Variants in UNC13C observed in about 807,000 individuals in gnomAD.
UNC13C encodes the protein protein unc-13 homolog C.
UNC13C carries 174 observed loss-of-function variants against 245.4 expected under a neutral mutation model. That is an observed-to-expected ratio of 0.71 (90% CI 0.63 to 0.80). The LOEUF is 0.80. UNC13C is among the 30% of genes least tolerant of loss of function. UNC13C has a pLI of 0.00. For synonymous variants in UNC13C, 992 were observed against 895.1 expected, an observed-to-expected ratio of 1.11 and a Z score of -1.93; for missense variants, 2,829 against 2,602.9, an observed-to-expected ratio of 1.09 and a Z score of -1.89.
At chr15:54,009,944 A>G (rs868053985) in intron 1 of UNC13C, among the ~76,000 whole-genome samples, 5 of 152,138 alleles carry the variant, frequency 3.3e-5, no homozygotes, top group African/African-American at 9.7e-5. Flanking sequence ...TTAAATTTCA[A>G]AACTGTCTAC....
the UNC13C span, among the ~76,000 whole-genome samples, chr15:53,859,908 T>A: frequency 7.9e-5 from 12 of 152,202 alleles, no homozygotes; most frequent in Non-Finnish European, 1.6e-4. Context: ...TACGGTTTTG[T>A]CTTTCTCTGG....
At chr15:54,520,050 T>G (rs1266312102) in intron 24 of UNC13C, among the ~76,000 whole-genome samples, 1 of 152,154 alleles carries the variant, frequency 6.6e-6, no homozygotes, top group Non-Finnish European at 1.5e-5. Flanking sequence ...GAAAGCCAGC[T>G]TGAAGGATGA....
chr15:54,316,452 C>T (rs990366608), intron 13 of UNC13C, among the ~76,000 whole-genome samples: 7 of 151,924 alleles, frequency 4.6e-5, no homozygotes, highest in Non-Finnish European at 7.4e-5. Flanking sequence ...AGCCCAGCCT[C>T]ATCTCAAGAC....
rs768039530 is a variant in UNC13C at position 54,500,119 on chromosome 15, G to A, written c.5101G>A (p.Glu1701Lys). The A allele has an allele frequency of 5.0e-6, 8 of 1,611,264 alleles. No individual in the cohort carries two copies. Among genetic ancestry groups the A allele is most frequent in the South Asian group, 3.3e-5 (3 of 90,512 alleles). Residue 1701 changes from glutamate to lysine, a missense_variant, in exon 21 of 33, where the codon GAA (glutamate) becomes AAA (lysine). Transcript: ENST00000260323. The part of the protein sequence containing the change: ...PFVMQWLDEN[E>K]DVSMEFLHGA... ...TGTCATGCAATGGCTAGATGAAAACGAAGATGTGTCAATGGAATTCCTTCA... is the reference window on the plus strand; with the variant it reads ...TGTCATGCAATGGCTAGATGAAAACAAAGATGTGTCAATGGAATTCCTTCA...
intron 17 of UNC13C, among the ~76,000 whole-genome samples, chr15:54,368,266 CA>C (rs1200511211): frequency 6.6e-6 from 1 of 152,122 alleles, no homozygotes; most frequent in Non-Finnish European, 1.5e-5. Context: ...GAATTGTTCA[CA>C]GATCTAATGG....
At chr15:53,920,761 A>G in the UNC13C span, among the ~76,000 whole-genome samples, 5 of 151,156 alleles carry the variant, frequency 3.3e-5, no homozygotes, top group African/African-American at 1.2e-4. Context: ...TTAACTTAGT[A>G]TTTTGCATGT....
chr15:54,362,482 T>C (rs2140867308), intron 17 of UNC13C, among the ~76,000 whole-genome samples: 1 of 152,350 alleles, frequency 6.6e-6, no homozygotes, highest in Admixed American at 6.5e-5. Context: ...GTTCCTGTCT[T>C]TGAATACTTT....
At chr15:53,876,050 TG>T in the UNC13C span, among the ~76,000 whole-genome samples, 1 of 152,262 alleles carries the variant, frequency 6.6e-6, no homozygotes, top group Admixed American at 6.5e-5. Context: ...TCCCACGTAA[TG>T]ATTTTTTATG....
At chr15:54,309,126 T>C (rs2037801664) in intron 13 of UNC13C, among the ~76,000 whole-genome samples, 5 of 151,850 alleles carry the variant, frequency 3.3e-5, no homozygotes, top group Admixed American at 1.3e-4. Flanking sequence ...CCATCAACAG[T>C]GTACGAGATT....
the UNC13C span, among the ~76,000 whole-genome samples, chr15:53,966,413 T>G: frequency 1.2e-4 from 18 of 152,180 alleles, no homozygotes; most frequent in Non-Finnish European, 2.1e-4. Flanking sequence ...CTTTTTATAG[T>G]CTATTCCTCA....
intron 19 of UNC13C, among the ~76,000 whole-genome samples, chr15:54,433,720 G>T (rs1199373545): frequency 2.0e-5 from 3 of 152,036 alleles, no homozygotes; most frequent in Non-Finnish European, 2.9e-5. Flanking sequence ...CGTAGTATTG[G>T]AAGTTCTGGC....
the UNC13C span, among the ~76,000 whole-genome samples, chr15:53,928,673 T>C: frequency 6.6e-6 from 1 of 152,224 alleles, no homozygotes; most frequent in Admixed American, 6.5e-5. Context: ...GCAAGGTGAA[T>C]GTGAGTTCTT....
intron 17 of UNC13C, among the ~76,000 whole-genome samples, chr15:54,377,248 A>C (rs946850891): frequency 3.9e-5 from 6 of 152,218 alleles, no homozygotes; most frequent in Non-Finnish European, 5.9e-5. Context: ...TGAGAATTGC[A>C]TTTCTTAAGA....
the UNC13C span, among the ~76,000 whole-genome samples, chr15:53,877,374 A>G: frequency 6.6e-6 from 1 of 152,100 alleles, no homozygotes; most frequent in Non-Finnish European, 1.5e-5. Flanking sequence ...TCTTAGAAAC[A>G]TAGGCTCAGG....
At chr15:54,171,833 G>A (rs2033409877) in intron 4 of UNC13C, among the ~76,000 whole-genome samples, 1 of 152,068 alleles carries the variant, frequency 6.6e-6, no homozygotes, top group South Asian at 2.1e-4. Flanking sequence ...ATTCACCATA[G>A]CTAAGATTTG....
At chr15:54,207,525 T>G (rs1224347347) in intron 4 of UNC13C, among the ~76,000 whole-genome samples, 1 of 151,982 alleles carries the variant, frequency 6.6e-6, no homozygotes, top group African/African-American at 2.4e-5. Flanking sequence ...AAAGTAGAAA[T>G]AAGCCTACTG....
At chr15:54,484,068 A>G (rs1413640438) in intron 19 of UNC13C, among the ~76,000 whole-genome samples, 1 of 112,454 alleles carries the variant, frequency 8.9e-6, no homozygotes, top group Admixed American at 9.3e-5. Flanking sequence ...ATGAATCAGA[A>G]CTCTGGCTTC....
At chr15:54,618,623 A>C (rs1299363442) in intron 30 of UNC13C, among the ~76,000 whole-genome samples, 1 of 152,114 alleles carries the variant, frequency 6.6e-6, no homozygotes. Context: ...ACAATTGACA[A>C]ATTTCACTGT....
chr15:54,525,510 C>T, intron 24 of UNC13C, 39 bp from the exon 25 acceptor site: 5 of 1,535,674 alleles, frequency 3.3e-6, no homozygotes, highest in Non-Finnish European at 4.5e-6. Flanking sequence ...CATGCTTTCT[C>T]AAAACTCCAA....
Sources: allele counts gnomAD v4.1 joint callset (sites outside exome capture counted in the v4.1 genomes callset), GRCh38; gene constraint gnomAD v4.1.1; transcripts MANE v1.5; gene names NCBI Gene and HGNC (gene_info 2026-07-23, HGNC 2026-07-21).